IGFL2: variants seen among roughly 807,000 people sequenced by gnomAD.
IGFL2 encodes IGF like family member 2, also known as insulin growth factor-like family member 2.
A neutral mutation model predicts 13.9 loss-of-function variants in IGFL2; 7 were observed. The ratio of observed to expected loss-of-function variants is 0.51; its 90% CI spans 0.29 to 0.95. The LOEUF (loss-of-function observed/expected upper bound fraction) is 0.95, where lower values mean the gene tolerates loss of function less well. Ranked by LOEUF, IGFL2 falls within the 40% of genes least tolerant of loss-of-function variation. The probability of loss-of-function intolerance (pLI) is 0.08; values close to 1 mark genes in which losing one functional copy is unlikely to be tolerated. For synonymous variants in IGFL2, 55 were observed against 55.8 expected, an observed-to-expected ratio of 0.99 and a Z score of 0.07; for missense variants, 138 against 147.8, an observed-to-expected ratio of 0.93 and a Z score of 0.34.
chr19:46,098,032 A>G, the IGFL2 span, among the ~76,000 whole-genome samples: 1 of 152,328 alleles, frequency 6.6e-6, no homozygotes, highest in East Asian at 1.9e-4. Flanking sequence ...CCTGATGCAG[A>G]GCTGAGTTCA....
the IGFL2 span, among the ~76,000 whole-genome samples, chr19:46,104,646 A>C: frequency 3.3e-5 from 5 of 152,224 alleles, no homozygotes; most frequent in Non-Finnish European, 7.3e-5. Context: ...TCAATTTGCC[A>C]GTCCTGGACA....
the IGFL2 span, among the ~76,000 whole-genome samples, chr19:46,108,101 G>A: frequency 2.6e-5 from 4 of 151,972 alleles, no homozygotes; most frequent in East Asian, 1.9e-4. Flanking sequence ...AGTGGAGGCC[G>A]AGGAAGAATT....
At chr19:46,088,650 TAAC>T in the IGFL2 span, among the ~76,000 whole-genome samples, 1 of 152,182 alleles carries the variant, frequency 6.6e-6, no homozygotes, top group East Asian at 1.9e-4. Context: ...AATATAAAAA[TAAC>T]AAGATAATAT....
chr19:46,201,044 G>A, the IGFL2 span, among the ~76,000 whole-genome samples: 1 of 152,286 alleles, frequency 6.6e-6, no homozygotes, highest in East Asian at 1.9e-4. Flanking sequence ...CCCTTAGTAT[G>A]GAGGACACTA....
the IGFL2 span, among the ~76,000 whole-genome samples, chr19:46,127,206 C>T: frequency 6.6e-6 from 1 of 152,076 alleles, no homozygotes; most frequent in South Asian, 2.1e-4. Context: ...GGCAACAAAG[C>T]GAGACCCTGT....
At chr19:46,120,294 C>G in the IGFL2 span, 47 of 1,610,114 alleles carry the variant, frequency 2.9e-5, 4 homozygotes, top group Admixed American at 7.9e-4. Flanking sequence ...GTCTCTTCTC[C>G]CCTTGTCTGC....
chr19:46,168,769 G>A, the IGFL2 span, among the ~76,000 whole-genome samples: 3 of 152,086 alleles, frequency 2.0e-5, no homozygotes, highest in African/African-American at 4.8e-5. Flanking sequence ...CTCAAGCTTG[G>A]CCCAAATAAA....
At chr19:46,200,305 C>T in the IGFL2 span, among the ~76,000 whole-genome samples, 1 of 151,984 alleles carries the variant, frequency 6.6e-6, no homozygotes, top group Non-Finnish European at 1.5e-5. Context: ...GTAGCTGGGT[C>T]TACAGGCCCA....
chr19:46,079,364 G>C, the IGFL2 span, among the ~76,000 whole-genome samples: 1 of 152,220 alleles, frequency 6.6e-6, no homozygotes, highest in African/African-American at 2.4e-5. Flanking sequence ...TGGGCGTCAG[G>C]CCTCAAGAGT....
At chr19:46,112,789 T>A in the IGFL2 span, among the ~76,000 whole-genome samples, 3 of 152,216 alleles carry the variant, frequency 2.0e-5, no homozygotes, top group Non-Finnish European at 4.4e-5. Context: ...GGATGTAATG[T>A]AATGTTTTGG....
At chr19:46,083,534 G>A in the IGFL2 span, among the ~76,000 whole-genome samples, 15 of 152,184 alleles carry the variant, frequency 9.9e-5, no homozygotes, top group African/African-American at 3.6e-4. Flanking sequence ...GAGGTGCGAT[G>A]AGAGAATACC....
At chr19:46,209,797 C>G in the IGFL2 span, 1 of 152,228 alleles carries the variant, frequency 6.6e-6, no homozygotes, top group Non-Finnish European at 1.5e-5. Flanking sequence ...AGAAGGAAAA[C>G]CTTCCACTGG....
chr19:46,187,965 C>T, the IGFL2 span, among the ~76,000 whole-genome samples: 1 of 152,184 alleles, frequency 6.6e-6, no homozygotes, highest in Non-Finnish European at 1.5e-5. Context: ...GCTACTTGAT[C>T]AGAGACGGTG....
At chr19:46,138,496 C>A (rs1972705717), upstream of IGFL2, among the ~76,000 whole-genome samples, 1 of 152,188 alleles carries the variant, frequency 6.6e-6, no homozygotes, top group South Asian at 2.1e-4. Context: ...TCTTCACTCA[C>A]ACATGTGCTG....
chr19:46,179,918 A>C, the IGFL2 span, among the ~76,000 whole-genome samples: 1 of 152,072 alleles, frequency 6.6e-6, no homozygotes, highest in African/African-American at 2.4e-5. Context: ...TCTGTCTCAA[A>C]AAAAGCAAAA....
At chr19:46,134,255 G>A in the IGFL2 span, among the ~76,000 whole-genome samples, 60 of 152,240 alleles carry the variant, frequency 3.9e-4, 2 homozygotes, top group East Asian at 7.7e-4. Flanking sequence ...AGGTAGTGGC[G>A]TGGGTTTTGT....
the IGFL2 span, among the ~76,000 whole-genome samples, chr19:46,199,447 C>T: frequency 3.3e-5 from 5 of 152,168 alleles, no homozygotes; most frequent in East Asian, 1.9e-4. Flanking sequence ...ACGGGGCTGG[C>T]GGAGGCATTG....
At chr19:46,180,564 T>G in the IGFL2 span, 1 of 152,166 alleles carries the variant, frequency 6.6e-6, no homozygotes, top group East Asian at 1.9e-4. Flanking sequence ...ATAGGATATA[T>G]GTATATATGA....
chr19:46,132,716 A>G, the IGFL2 span, among the ~76,000 whole-genome samples: 2 of 149,888 alleles, frequency 1.3e-5, no homozygotes, highest in Non-Finnish European at 3.0e-5. Flanking sequence ...AAGGAGGGAG[A>G]AAGGGAGGGA....
Sources: allele counts gnomAD v4.1 joint callset (sites outside exome capture counted in the v4.1 genomes callset), GRCh38; gene constraint gnomAD v4.1.1; transcripts MANE v1.5; gene names NCBI Gene and HGNC (gene_info 2026-07-23, HGNC 2026-07-21).